Variants in RBBP4 observed in about 807,000 individuals in gnomAD.
The protein encoded by RBBP4 is RB binding protein 4, chromatin remodeling factor.
Under a neutral mutation model 57.2 loss-of-function variants are expected in RBBP4, and 3 were observed. That is an observed-to-expected ratio of 0.05 (90% CI 0.02 to 0.14). RBBP4 has a LOEUF of 0.14. RBBP4 is among the 10% of genes least tolerant of loss of function. RBBP4 has a pLI of 1.00. For missense variants in RBBP4, 107 were observed against 520.6 expected (o/e 0.21, Z 7.73); for synonymous variants, 151 against 171.5 (o/e 0.88, Z 0.93).
intron 2 of RBBP4, among the ~76,000 whole-genome samples, chr1:32,654,788 G>A (rs572634284): frequency 4.0e-4 from 61 of 152,230 alleles, no homozygotes; most frequent in African/African-American, 1.4e-3. Flanking sequence ...CCGCCTCCTG[G>A]GTTCAATCGA....
chr1:32,680,880 G>T lies in RBBP4; in HGVS notation c.*1175G>T. On this transcript the variant is annotated 3_prime_UTR_variant, in exon 12 of 12. Transcript: ENST00000373493. ...GTGGCACAGATTAGTCTTTGATAAG[G>T]TAACGTTTCTTTGAAGTCTATCTGT... The T allele has an allele frequency of 3.9e-6, 1 of 259,360 alleles. No homozygotes were observed. Among genetic ancestry groups the T allele is most frequent in the Non-Finnish European group, 7.2e-6 (1 of 138,074 alleles). 16.1% of individuals were successfully genotyped at this position (259,360 alleles called of 1,614,324 possible).
chr1:32,652,417 C>A (rs191669050), intron 2 of RBBP4: 242 of 194,192 alleles, frequency 1.2e-3, no homozygotes, highest in African/African-American at 5.4e-3. Context: ...TTTGGGAGGC[C>A]CAGGCAGGAG....
intron 3 of RBBP4, chr1:32,662,237 G>C (rs936588564): frequency 3.0e-6 from 1 of 335,400 alleles, no homozygotes; most frequent in Non-Finnish European, 6.2e-6. Flanking sequence ...GTCTCTCTCT[G>C]TCGTCCAGGC....
chr1:32,667,474 A>G (rs1490962079), intron 3 of RBBP4, among the ~76,000 whole-genome samples: 1 of 151,974 alleles, frequency 6.6e-6, no homozygotes, highest in Non-Finnish European at 1.5e-5. Flanking sequence ...TGTATGCAAT[A>G]AATATCAGCG....
At chr1:32,677,470 T>TA (rs10626684) in intron 11 of RBBP4, among the ~76,000 whole-genome samples, 13,327 of 147,196 alleles carry the variant, frequency 0.091, 1,815 homozygotes, top group African/African-American at 0.3. Flanking sequence ...ATCCTTTATT[T>TA]AAAAAAAAAA....
Position 32,680,020 on chromosome 1 carries a change from T to G in RBBP4, c.*315T>G. The G allele has an allele frequency of 8.9e-7, 1 of 1,127,618 alleles. No homozygotes were observed. The highest frequency in any genetic ancestry group is 1.1e-6 in the Non-Finnish European group (1 of 921,372). 69.9% of individuals were successfully genotyped at this position (1,127,618 alleles called of 1,614,324 possible). A position where few individuals can be genotyped will look rare whatever the true frequency, so the allele number is the denominator to read the frequency against. The stretch of plus-strand genomic sequence containing the variant: ...TGCTATATCCCCAAGTTTTTCAGAC[T>G]CATTTAAGTAAAGGCTAGAGTGAGT... On this transcript the variant is annotated 3_prime_UTR_variant, in exon 12 of 12. Transcript: ENST00000373493.
intron 8 of RBBP4, among the ~76,000 whole-genome samples, chr1:32,670,461 A>G (rs1570861359): frequency 6.6e-6 from 1 of 152,236 alleles, no homozygotes; most frequent in African/African-American, 2.4e-5. Context: ...GATTGCAAAA[A>G]TTAAAAAAAG....
At chr1:32,657,952 A>G (rs1648216473) in intron 3 of RBBP4, among the ~76,000 whole-genome samples, 1 of 152,148 alleles carries the variant, frequency 6.6e-6, no homozygotes, top group East Asian at 1.9e-4. Context: ...TCCCGGGTTC[A>G]AGCGATTCTT....
chr1:32,668,402 T>C lies in RBBP4; in HGVS notation c.484+4T>C, dbSNP rs1363946479. On this transcript the variant is annotated splice_donor_region_variant and intron_variant, in intron 4 of 11. Transcript: ENST00000373493. ...ACAAAACATCCTTCTAAACCAGGTA[T>C]GTGCCCTTTTCTATTCAAATACAAA... 1.3e-6 allele frequency: 2 copies of C among 1,579,728 alleles called. No individual in the cohort carries two copies. Among genetic ancestry groups the C allele is most frequent in the Non-Finnish European group, 1.7e-6 (2 of 1,151,518 alleles).
In RBBP4 at chr1:32,658,168, C is replaced by T. The variant is rs148945092; in HGVS notation, c.310+596C>T. On this transcript the variant is annotated intron_variant, in intron 3 of 11. Transcript: ENST00000373493. ...GCACCCATCCATATTGCTATACATT[C>T]TTAACACGGGAGATAACTACCCCTA... is the stretch of plus-strand genomic sequence containing the variant. Among the ~76,000 whole-genome samples, 31 of 152,188 alleles carry T rather than the reference C, an allele frequency of 2.0e-4. No individual in the cohort carries two copies. In the East Asian group the frequency reaches 5.8e-3, roughly 28 times the overall value.
chr1:32,665,220 A>AT (rs542547211), intron 3 of RBBP4, among the ~76,000 whole-genome samples: 12 of 152,034 alleles, frequency 7.9e-5, no homozygotes, highest in East Asian at 7.7e-4. Flanking sequence ...AAAATTAGGG[A>AT]TTTTTTCTCC....
Position 32,651,268 on chromosome 1 carries a change from A to T in RBBP4, c.-39A>T. On this transcript the variant is annotated 5_prime_UTR_variant, in exon 1 of 12. Transcript: ENST00000373493. ...TTGCAGCCTCCCCGCCCCTCCCGCA[A>T]CGCTCGACCCCAGGATTCCCCCGGC... 2.7e-6 allele frequency: 4 copies of T among 1,506,704 alleles called. No homozygotes were observed. The highest frequency in any genetic ancestry group is 2.7e-6 in the Non-Finnish European group (3 of 1,128,114). The allele number at this position is 1,506,704 out of a possible 1,614,324, so 93.3% of individuals were successfully genotyped here.
chr1:32,661,870 CTTTTTTTTTTTTTTTTTTTTT>C (rs71006354), intron 3 of RBBP4, among the ~76,000 whole-genome samples: 5 of 49,308 alleles, frequency 1.0e-4, no homozygotes, highest in African/African-American at 1.8e-4. Flanking sequence ...CCTTTGCCCA[CTTTTTTTTTTTTTTTTTTTTT>C]TTTTTTTTTT....
At chr1:32,664,863 A>C (rs776882377) in intron 3 of RBBP4, among the ~76,000 whole-genome samples, 31 of 152,134 alleles carry the variant, frequency 2.0e-4, no homozygotes, top group Non-Finnish European at 4.0e-4. Flanking sequence ...TATAAAGCAA[A>C]CCACACAAAT....
chr1:32,680,683 A>AT lies in RBBP4; in HGVS notation c.*978_*979insT, dbSNP rs752166003. The AT allele has an allele frequency of 1.3e-6, 1 of 768,014 alleles. No individual in the cohort carries two copies. Among genetic ancestry groups the AT allele is most frequent in the Non-Finnish European group, 2.0e-6 (1 of 488,046 alleles). The allele number at this position is 768,014 out of a possible 1,614,324, so 47.6% of individuals were successfully genotyped here. A position where few individuals can be genotyped will look rare whatever the true frequency, so the allele number is the denominator to read the frequency against. ...ATGCTGATGGGTTTTATTTAGTATA[A>AT]AACATCCATCAAACACCAGTCTCTG... On this transcript the variant is annotated 3_prime_UTR_variant, in exon 12 of 12. Coordinates refer to ENST00000373493, the MANE Select transcript of RBBP4 (RefSeq NM_005610.3).
chr1:32,656,061 A>G (rs1024054683), intron 2 of RBBP4, among the ~76,000 whole-genome samples: 4 of 152,202 alleles, frequency 2.6e-5, no homozygotes, highest in Non-Finnish European at 5.9e-5. Context: ...AGAACACTAA[A>G]TAGTCAGTTT....
chr1:32,680,403 T>G lies in RBBP4; in HGVS notation c.*698T>G. On this transcript the variant is annotated 3_prime_UTR_variant, in exon 12 of 12. Coordinates refer to ENST00000373493, the MANE Select transcript of RBBP4 (RefSeq NM_005610.3). The stretch of plus-strand genomic sequence containing the variant: ...ACTTGGGACCACCAAGTTGTAAAGA[T>G]GTATGTTTTTACCTGACAGTTATAC... 7.9e-7 allele frequency: 1 copy of G among 1,269,512 alleles called. No homozygotes were observed. Among genetic ancestry groups the G allele is most frequent in the Non-Finnish European group, 1.0e-6 (1 of 999,438 alleles). 78.6% of individuals were successfully genotyped at this position (1,269,512 alleles called of 1,614,324 possible).
intron 3 of RBBP4, among the ~76,000 whole-genome samples, chr1:32,660,588 A>ATTTT (rs4011925): frequency 5.5e-5 from 8 of 144,454 alleles, no homozygotes; most frequent in African/African-American, 1.5e-4. Flanking sequence ...AGATAACTTA[A>ATTTT]TTTTTTTTTT....
At chr1:32,656,467 C>T (rs774321993) in intron 2 of RBBP4, among the ~76,000 whole-genome samples, 13 of 152,204 alleles carry the variant, frequency 8.5e-5, no homozygotes, top group Admixed American at 2.0e-4. Flanking sequence ...GTTCTCCTGT[C>T]GCAGCCTCCT....
Sources: gnomAD v4.1 joint callset for allele counts (sites outside exome capture counted in the v4.1 genomes callset) on GRCh38, gnomAD v4.1.1 for gene constraint, MANE v1.5 for transcripts, NCBI Gene and HGNC (gene_info 2026-07-23, HGNC 2026-07-21) for gene names.